TMEM106B: variants seen among roughly 807,000 people sequenced by gnomAD.
TMEM106B encodes the protein transmembrane protein 106B.
A neutral mutation model predicts 31.1 loss-of-function variants in TMEM106B; 15 were observed. The ratio of observed to expected loss-of-function variants is 0.48; its 90% CI spans 0.32 to 0.74. TMEM106B has a LOEUF of 0.74. TMEM106B is among the 30% of genes least tolerant of loss of function. The pLI, the probability that TMEM106B is intolerant of heterozygous loss-of-function variation, is 0.03. For missense variants in TMEM106B, 283 were observed against 327.3 expected (o/e 0.86, Z 1.04); for synonymous variants, 126 against 112.5 (o/e 1.12, Z -0.76).
chr7:12,230,617 A>T (rs537783464), intron 6 of TMEM106B, 179 bp downstream of exon 6: 55 of 445,814 alleles, frequency 1.2e-4, no homozygotes, highest in Middle Eastern at 5.9e-4. Context: ...TCATGTATAT[A>T]TACACATAAA....
At position 12,233,445 on chromosome 7, in the gene TMEM106B, C is replaced by T; in HGVS notation, c.*1470C>T. On this transcript the variant is annotated 3_prime_UTR_variant, in exon 8 of 8. Transcript: ENST00000396668. ...AGCCTGTTTATTAGTCTGACTCTCT[C>T]AACCATAAAACATAAGCTTTATTTA... 6.6e-6 allele frequency: 1 copy of T among 151,700 alleles called. No homozygotes were observed. The highest frequency in any genetic ancestry group is 1.5e-5 in the Non-Finnish European group (1 of 67,646). The allele number at this position is 151,700 out of a possible 1,614,324, so 9.4% of individuals were successfully genotyped here. A position where few individuals can be genotyped will look rare whatever the true frequency, so the allele number is the denominator to read the frequency against.
chr7:12,227,552 T>C (rs1781925591), intron 4 of TMEM106B, among the ~76,000 whole-genome samples: 1 of 152,032 alleles, frequency 6.6e-6, no homozygotes, highest in African/African-American at 2.4e-5. Context: ...TGTGTAGTCT[T>C]TTACATGATC....
chr7:12,238,779 C>G lies in TMEM106B; in HGVS notation c.*6804C>G, dbSNP rs1562713694. ...AAGGAATTTTTTTTTCCAAGCAGGT[C>G]TCAACAATGGGCTTAAAATATTCAG... is the stretch of plus-strand genomic sequence containing the variant. On this transcript the variant is annotated 3_prime_UTR_variant, in exon 8 of 8. Coordinates refer to ENST00000396668, the MANE Select transcript of TMEM106B (RefSeq NM_001134232.2). 1 of 151,130 alleles carries G rather than the reference C, an allele frequency of 6.6e-6. No homozygotes were observed. Among genetic ancestry groups the G allele is most frequent in the East Asian group, 1.9e-4 (1 of 5,154 alleles). The allele number at this position is 151,130 out of a possible 1,614,324, so 9.4% of individuals were successfully genotyped here. A position where few individuals can be genotyped will look rare whatever the true frequency, so the allele number is the denominator to read the frequency against.
At chr7:12,218,548 GTT>G in intron 3 of TMEM106B, 27 bp downstream of exon 3, 1 of 1,564,236 alleles carries the variant, frequency 6.4e-7, no homozygotes, top group Non-Finnish European at 8.7e-7. Context: ...ATATGGCAGT[GTT>G]TTATGTTTTA....
chr7:12,243,041 C>T lies in TMEM106B; in HGVS notation c.*11066C>T, dbSNP rs1294258284. The T allele has an allele frequency of 6.6e-6, 1 of 151,988 alleles. No individual in the cohort carries two copies. Among genetic ancestry groups the T allele is most frequent in the Non-Finnish European group, 1.5e-5 (1 of 67,948 alleles). The allele number at this position is 151,988 out of a possible 1,614,324, so 9.4% of individuals were successfully genotyped here. A position where few individuals can be genotyped will look rare whatever the true frequency, so the allele number is the denominator to read the frequency against. On this transcript the variant is annotated 3_prime_UTR_variant, in exon 8 of 8. Coordinates refer to ENST00000396668, the MANE Select transcript of TMEM106B (RefSeq NM_001134232.2). ...TGTTCTTGAAAAGAACTTCGTATAA[C>T]ATCATTAGATTTTTACAGAATCTTT...
At chr7:12,227,744 T>C (rs1289576943) in intron 4 of TMEM106B, among the ~76,000 whole-genome samples, 2 of 134,350 alleles carry the variant, frequency 1.5e-5, no homozygotes, top group African/African-American at 5.5e-5. Context: ...TTAACAATTA[T>C]GGTGATCTCT....
chr7:12,233,539 A>G lies in TMEM106B; in HGVS notation c.*1564A>G, dbSNP rs958372683. ...TTATTTTCTGCAAGTTTTCTTGAGT[A>G]TCTTCAATTCGTTGAATGTGGTTTT... On this transcript the variant is annotated 3_prime_UTR_variant, in exon 8 of 8. Coordinates refer to ENST00000396668, the MANE Select transcript of TMEM106B (RefSeq NM_001134232.2). 4.6e-5 allele frequency: 7 copies of G among 151,426 alleles called. No individual in the cohort carries two copies. Among genetic ancestry groups the G allele is most frequent in the Admixed American group, 6.6e-5 (1 of 15,154 alleles). The allele number at this position is 151,426 out of a possible 1,614,324, so 9.4% of individuals were successfully genotyped here.
Position 12,218,420 on chromosome 7 carries a change from A to G in TMEM106B, c.218-38A>G, listed in dbSNP as rs775047953. On this transcript the variant is annotated intron_variant, in intron 2 of 7. Transcript: ENST00000396668. ...TGGGGAGCCATTATATTTTTAACTAATCATAGTAATTTCTGAACTTACTTC... is the reference window on the plus strand; with the variant it reads ...TGGGGAGCCATTATATTTTTAACTAGTCATAGTAATTTCTGAACTTACTTC... 36 of 1,562,058 alleles carry G rather than the reference A, an allele frequency of 2.3e-5. No homozygotes were observed. The East Asian group carries it at 8.1e-4, about 35-fold the overall frequency.
intron 3 of TMEM106B, among the ~76,000 whole-genome samples, chr7:12,219,671 C>A (rs1480670193): frequency 1.2e-4 from 18 of 152,022 alleles, no homozygotes; most frequent in Non-Finnish European, 1.9e-4. Context: ...ATTTACAGAC[C>A]TCTGGAAAGA....
chr7:12,215,045 G>C lies in TMEM106B; in HGVS notation c.217+18G>C. Reference sequence around the variant, plus strand: ...TCCTAGGGGTATGTGTTATTGTATTGTTTTCCCTTTAAATGATTTTAGGTA... The same window carrying C: ...TCCTAGGGGTATGTGTTATTGTATTCTTTTCCCTTTAAATGATTTTAGGTA... On this transcript the variant is annotated intron_variant, in intron 2 of 7. Transcript: ENST00000396668. The C allele has an allele frequency of 1.3e-6, 2 of 1,591,584 alleles. No individual in the cohort carries two copies. Among genetic ancestry groups the C allele is most frequent in the Non-Finnish European group, 1.7e-6 (2 of 1,167,992 alleles).
chr7:12,212,485 AATAC>A (rs1781600153), intron 1 of TMEM106B, among the ~76,000 whole-genome samples: 2 of 125,100 alleles, frequency 1.6e-5, no homozygotes, highest in African/African-American at 2.9e-5. Context: ...GATTTTTATA[AATAC>A]ATAGTTTTTT....
chr7:12,214,717 C>A, intron 1 of TMEM106B, 92 bp from the exon 2 acceptor site: 1 of 1,077,418 alleles, frequency 9.3e-7, no homozygotes, highest in Non-Finnish European at 1.3e-6. Context: ...TGTTCCTTGA[C>A]TGTTCTAAAT....
chr7:12,231,234 C>A, intron 7 of TMEM106B, 119 bp downstream of exon 7: 1 of 713,292 alleles, frequency 1.4e-6, no homozygotes, highest in Non-Finnish European at 2.4e-6. Flanking sequence ...TTAAGCCTTA[C>A]AAGAGTGCTA....
At chr7:12,229,849 G>A in intron 5 of TMEM106B, 30 bp downstream of exon 5, 1 of 1,574,020 alleles carries the variant, frequency 6.4e-7, no homozygotes, top group Non-Finnish European at 8.6e-7. Flanking sequence ...TACTTTGTAA[G>A]AGTTAAATGA....
intron 1 of TMEM106B, among the ~76,000 whole-genome samples, chr7:12,213,292 T>G (rs776928463): frequency 2.7e-5 from 4 of 150,874 alleles, no homozygotes; most frequent in Admixed American, 6.9e-5. Flanking sequence ...AACTGTTGAA[T>G]GAAAAAAAAA....
At chr7:12,231,241 G>T (rs909374660) in intron 7 of TMEM106B, 126 bp downstream of exon 7, 1 of 661,904 alleles carries the variant, frequency 1.5e-6, no homozygotes, top group Middle Eastern at 2.7e-4. Context: ...TTACAAGAGT[G>T]CTATGAGTAA....
In TMEM106B at chr7:12,233,620, A is replaced by C. The variant is rs2128528503; in HGVS notation, c.*1645A>C. ...CCTTAATTCATTGCTAACTCAAGCC[A>C]TCCTTACTATTAAACCCAAATCAGT... On this transcript the variant is annotated 3_prime_UTR_variant, in exon 8 of 8. Transcript: ENST00000396668. 6.6e-6 allele frequency: 1 copy of C among 150,624 alleles called. No homozygotes were observed. Among genetic ancestry groups the C allele is most frequent in the East Asian group, 1.9e-4 (1 of 5,154 alleles). 9.3% of individuals were successfully genotyped at this position (150,624 alleles called of 1,614,324 possible).
At position 12,240,097 on chromosome 7, in the gene TMEM106B, C is replaced by CATT. The variant is rs895103519; in HGVS notation, c.*8124_*8126dup. The CATT allele has an allele frequency of 2.0e-5, 3 of 152,140 alleles. No individual in the cohort carries two copies. Among genetic ancestry groups the CATT allele is most frequent in the Non-Finnish European group, 4.4e-5 (3 of 68,016 alleles). 9.4% of individuals were successfully genotyped at this position (152,140 alleles called of 1,614,324 possible). A position where few individuals can be genotyped will look rare whatever the true frequency, so the allele number is the denominator to read the frequency against. ...TCTTACTCTGGTGTTGAGAACCTTTCATTAGCTGGCTACAATCTCAGTTCA... is the reference window on the plus strand; with the variant it reads ...TCTTACTCTGGTGTTGAGAACCTTTCATTATTAGCTGGCTACAATCTCAGTTCA... On this transcript the variant is annotated 3_prime_UTR_variant, in exon 8 of 8. Coordinates refer to ENST00000396668, the MANE Select transcript of TMEM106B (RefSeq NM_001134232.2).
chr7:12,214,986 T>A lies in TMEM106B; in HGVS notation c.176T>A (p.Val59Asp). Residue 59 changes from valine (V) to aspartate (D), a missense_variant, in exon 2 of 8, where the codon GTC (valine) becomes GAC (aspartate). Val to Asp is a radical substitution (Grantham distance 152). Coordinates refer to ENST00000396668, the MANE Select transcript of TMEM106B (RefSeq NM_001134232.2). ...PYVEFTGRDS[V>D]TCPTCQGTGR... The stretch of plus-strand genomic sequence containing the variant: ...GTGGAATTTACAGGAAGAGATAGTG[T>A]CACCTGCCCTACTTGTCAGGGAACA... 2 of 1,614,002 alleles carry A rather than the reference T, an allele frequency of 1.2e-6. No homozygotes were observed. The highest frequency in any genetic ancestry group is 1.7e-6 in the Non-Finnish European group (2 of 1,179,924).
Sources: gnomAD v4.1 joint callset for allele counts (sites outside exome capture counted in the v4.1 genomes callset) on GRCh38, gnomAD v4.1.1 for gene constraint, MANE v1.5 for transcripts, NCBI Gene and HGNC (gene_info 2026-07-23, HGNC 2026-07-21) for gene names.